EBF2: variants seen among roughly 807,000 people sequenced by gnomAD.
EBF2 encodes transcription factor COE2.
In EBF2, 21 loss-of-function variants were observed where a neutral mutation model predicts 72.8. The ratio of observed to expected loss-of-function variants is 0.29; its 90% CI spans 0.20 to 0.42. EBF2 has a LOEUF of 0.42. Ranked by LOEUF, EBF2 falls within the 10% of genes least tolerant of loss-of-function variation. The pLI is 1.00. For missense variants in EBF2, 637 were observed against 731.2 expected (o/e 0.87, Z 1.49); for synonymous variants, 299 against 274.2 (o/e 1.09, Z -0.89).
intron 6 of EBF2, among the ~76,000 whole-genome samples, chr8:25,941,294 C>T (rs2117157097): frequency 6.6e-6 from 1 of 152,108 alleles, no homozygotes; most frequent in South Asian, 2.1e-4. Flanking sequence ...CAACCTCCGC[C>T]TCCCGGGTTC....
At chr8:25,864,964 A>G (rs1802282243) in intron 10 of EBF2, among the ~76,000 whole-genome samples, 1 of 151,950 alleles carries the variant, frequency 6.6e-6, no homozygotes, top group South Asian at 2.1e-4. Flanking sequence ...TGCCTGGCTA[A>G]ATTTTTTTTT....
chr8:25,947,330 C>G (rs1803787199), intron 6 of EBF2, among the ~76,000 whole-genome samples: 1 of 152,186 alleles, frequency 6.6e-6, no homozygotes, highest in South Asian at 2.1e-4. Context: ...CTTTGCTCCT[C>G]CTTTGTCTTC....
intron 6 of EBF2, among the ~76,000 whole-genome samples, chr8:26,010,815 A>G (rs1238884501): frequency 2.0e-5 from 3 of 152,176 alleles, no homozygotes; most frequent in Non-Finnish European, 4.4e-5. Context: ...AGACCCAAAG[A>G]GCGGCTCTTT....
At chr8:25,987,308 T>A (rs1248983520) in intron 6 of EBF2, among the ~76,000 whole-genome samples, 1 of 152,136 alleles carries the variant, frequency 6.6e-6, no homozygotes, top group Non-Finnish European at 1.5e-5. Context: ...CAAACACTGG[T>A]TGGTACTATT....
intron 6 of EBF2, among the ~76,000 whole-genome samples, chr8:26,020,734 G>A (rs1034576305): frequency 5.9e-5 from 9 of 151,916 alleles, no homozygotes; most frequent in Admixed American, 1.3e-4. Context: ...GAATCTACAC[G>A]ACATCACATT....
chr8:25,937,434 T>C (rs1803597879), intron 6 of EBF2, among the ~76,000 whole-genome samples: 2 of 152,220 alleles, frequency 1.3e-5, no homozygotes, highest in African/African-American at 2.4e-5. Flanking sequence ...TATATTCAGA[T>C]TAATTTAATG....
At chr8:25,937,625 C>G (rs1585201365) in intron 6 of EBF2, among the ~76,000 whole-genome samples, 1 of 152,240 alleles carries the variant, frequency 6.6e-6, no homozygotes, top group East Asian at 1.9e-4. Flanking sequence ...GGTAAGCAAA[C>G]AGATCTTCCT....
chr8:26,015,931 T>C (rs1234664135), intron 6 of EBF2, among the ~76,000 whole-genome samples: 2 of 152,182 alleles, frequency 1.3e-5, no homozygotes, highest in African/African-American at 2.4e-5. Context: ...CCTGCTGCCA[T>C]CTAAAGAAGC....
Position 25,908,462 on chromosome 8 carries a change from A to G in EBF2, c.633+12T>C, listed in dbSNP as rs1803075413. The G allele has an allele frequency of 1.3e-6, 2 of 1,598,156 alleles. No individual in the cohort carries two copies. The highest frequency in any genetic ancestry group is 2.7e-5 in the African/African-American group (2 of 74,478). Reference sequence around the variant, plus strand: ...GACTTATTTAACAGGAAAGATCTGCAGGGCCCCTTACCTGAAACCGTCTCA... The same window carrying G: ...GACTTATTTAACAGGAAAGATCTGCGGGGCCCCTTACCTGAAACCGTCTCA... On this transcript the variant is annotated intron_variant, in intron 7 of 15. Coordinates refer to ENST00000520164, the MANE Select transcript of EBF2 (RefSeq NM_022659.4).
intron 6 of EBF2, among the ~76,000 whole-genome samples, chr8:25,948,824 C>T (rs1803812961): frequency 6.6e-6 from 1 of 152,194 alleles, no homozygotes; most frequent in African/African-American, 2.4e-5. Context: ...ACTCTGGCTG[C>T]CTCAGCTTTT....
At chr8:25,969,768 G>A (rs919960941) in intron 6 of EBF2, among the ~76,000 whole-genome samples, 4 of 152,242 alleles carry the variant, frequency 2.6e-5, no homozygotes, top group South Asian at 2.1e-4. Flanking sequence ...GCAGTGGCGC[G>A]ATCACAGCTC....
rs201829098 is a variant in EBF2 at position 25,893,271 on chromosome 8, ATTTTTTTTT to A, written c.634-3411_634-3403del. 4.7e-3 allele frequency among the ~76,000 whole-genome samples: 524 copies of A among 111,418 alleles called. 7 individuals carry two copies. Among genetic ancestry groups the A allele is most frequent in the South Asian group, 0.012 (43 of 3,484 alleles). 73.1% of individuals were successfully genotyped at this position (111,418 alleles called of 152,430 possible). ...GGGTGCTTTGGGCTTTAATTCTTCC[ATTTTTTTTT>A]TTTTTTTTTTTTTTTTTTTGAGACA... On this transcript the variant is annotated intron_variant, in intron 7 of 15. Transcript: ENST00000520164.
chr8:26,029,892 G>A (rs1473854981), intron 6 of EBF2, among the ~76,000 whole-genome samples: 1 of 152,146 alleles, frequency 6.6e-6, no homozygotes, highest in Non-Finnish European at 1.5e-5. Flanking sequence ...TCAACAAATG[G>A]AAACCTGACT....
At chr8:25,899,527 C>T (rs766266697) in intron 7 of EBF2, among the ~76,000 whole-genome samples, 1 of 152,180 alleles carries the variant, frequency 6.6e-6, no homozygotes, top group Non-Finnish European at 1.5e-5. Flanking sequence ...TTAATTTAAA[C>T]TCTCGTTTCC....
chr8:25,959,404 C>T (rs556668422), intron 6 of EBF2, among the ~76,000 whole-genome samples: 2 of 152,094 alleles, frequency 1.3e-5, no homozygotes, highest in African/African-American at 4.8e-5. Flanking sequence ...AGGATTTCAC[C>T]AAGTTCGTCA....
intron 6 of EBF2, among the ~76,000 whole-genome samples, chr8:26,004,952 T>G (rs1185915828): frequency 6.6e-6 from 1 of 151,384 alleles, no homozygotes; most frequent in East Asian, 2.0e-4. Context: ...TCTTCATTTA[T>G]CTAGAACAGT....
rs376063045 is a variant in EBF2 at position 25,901,409 on chromosome 8, G to A, written c.633+7065C>T. 1.7e-4 allele frequency among the ~76,000 whole-genome samples: 24 copies of A among 137,184 alleles called. 1 individual carries two copies. In the South Asian group the frequency reaches 2.1e-3, roughly 12 times the overall value. The allele number at this position is 137,184 out of a possible 152,430, so 90.0% of individuals were successfully genotyped here. A position where few individuals can be genotyped will look rare whatever the true frequency, so the allele number is the denominator to read the frequency against. On this transcript the variant is annotated intron_variant, in intron 7 of 15. Transcript: ENST00000520164. Reference sequence around the variant, plus strand: ...TGCACTCCAGCTTGAGCAAAAGAGTGACATCTTGTCTCAAAAAAAAAAAAA... The same window carrying A: ...TGCACTCCAGCTTGAGCAAAAGAGTAACATCTTGTCTCAAAAAAAAAAAAA...
At chr8:26,028,802 G>A (rs1223327049) in intron 6 of EBF2, among the ~76,000 whole-genome samples, 4 of 152,190 alleles carry the variant, frequency 2.6e-5, no homozygotes, top group Non-Finnish European at 5.9e-5. Flanking sequence ...TAAGAATGAT[G>A]TTTCATTAGT....
At chr8:25,870,978 T>C (rs17233617) in intron 10 of EBF2, among the ~76,000 whole-genome samples, 12,846 of 152,114 alleles carry the variant, frequency 0.084, 698 homozygotes, top group Middle Eastern at 0.16. Flanking sequence ...CAAGTGCACA[T>C]TGGAAGTAGA....
Sources: allele counts gnomAD v4.1 joint callset (sites outside exome capture counted in the v4.1 genomes callset), GRCh38; gene constraint gnomAD v4.1.1; transcripts MANE v1.5; gene names NCBI Gene and HGNC (gene_info 2026-07-23, HGNC 2026-07-21).